The following TIMM23B variants were observed in gnomAD, a reference collection of about 807,000 sequenced individuals.
TIMM23B encodes translocase of inner mitochondrial membrane 23 homolog B, also known as mitochondrial import inner membrane translocase subunit Tim23B.
In TIMM23B, 27 loss-of-function variants were observed where a neutral mutation model predicts 27.3. The ratio of observed to expected loss-of-function variants is 0.99; its 90% confidence interval spans 0.73 to 1.36. The LOEUF is 1.36. TIMM23B is among the 40% of genes most tolerant of loss of function. The pLI is 0.00. For missense variants in TIMM23B, 205 were observed against 244.2 expected (o/e 0.84, Z 1.07); for synonymous variants, 73 against 92.4 (o/e 0.79, Z 1.21).
chr10:49,953,348 TTG>T (rs1208028228), intron 4 of TIMM23B, among the ~76,000 whole-genome samples: 1 of 152,130 alleles, frequency 6.6e-6, no homozygotes, highest in African/African-American at 2.4e-5. Context: ...GCCTGTTAAA[TTG>T]TGTGGTTTTT....
intron 6 of TIMM23B, among the ~76,000 whole-genome samples, chr10:49,969,153 A>G (rs868926013): frequency 7.9e-5 from 12 of 152,190 alleles, no homozygotes; most frequent in Non-Finnish European, 1.0e-4. Flanking sequence ...TCATAACAGC[A>G]TATTATTCAC....
chr10:49,954,261 TAC>T, intron 4 of TIMM23B: 2 of 415,856 alleles, frequency 4.8e-6, no homozygotes, highest in East Asian at 1.3e-4. Context: ...GGGATGGTGT[TAC>T]ACTGCTGGGA....
intron 2 of TIMM23B, among the ~76,000 whole-genome samples, chr10:49,948,978 C>G (rs1396363054): frequency 2.6e-5 from 4 of 152,270 alleles, no homozygotes; most frequent in South Asian, 2.1e-4. Flanking sequence ...ACCTCAAACT[C>G]CTAGGCTCAA....
At chr10:49,962,656 TA>T (rs1839959929) in intron 6 of TIMM23B, among the ~76,000 whole-genome samples, 1 of 152,192 alleles carries the variant, frequency 6.6e-6, no homozygotes. Flanking sequence ...TCCTTCCAGA[TA>T]CCTACCTGAA....
intron 6 of TIMM23B, among the ~76,000 whole-genome samples, chr10:49,963,960 G>A (rs1840016420): frequency 6.6e-6 from 1 of 151,992 alleles, no homozygotes; most frequent in Non-Finnish European, 1.5e-5. Context: ...ACAAGCCTCT[G>A]GCTCGAAATG....
chr10:49,968,750 G>A (rs1840282485), intron 6 of TIMM23B, among the ~76,000 whole-genome samples: 1 of 152,044 alleles, frequency 6.6e-6, no homozygotes, highest in Non-Finnish European at 1.5e-5. Context: ...CAGGAGAATG[G>A]CGTGAACCTG....
At chr10:49,944,599 G>A (rs1360107011) in intron 1 of TIMM23B, among the ~76,000 whole-genome samples, 1 of 151,982 alleles carries the variant, frequency 6.6e-6, no homozygotes, top group African/African-American at 2.4e-5. Context: ...GAAATAGTTA[G>A]ATACAACATG....
intron 6 of TIMM23B, 127 bp from the exon 7 acceptor site, chr10:49,972,884 TA>T (rs1554856829): frequency 1.4e-6 from 1 of 718,966 alleles, no homozygotes; most frequent in Non-Finnish European, 2.4e-6. Context: ...ATGCATGTTG[TA>T]AATTATTTTG....
At chr10:49,966,802 G>A (rs1236956636) in intron 6 of TIMM23B, among the ~76,000 whole-genome samples, 4 of 152,192 alleles carry the variant, frequency 2.6e-5, no homozygotes, top group Non-Finnish European at 5.9e-5. Flanking sequence ...TCCAGCCTGG[G>A]CAGCTGAGCG....
chr10:49,954,861 C>T (rs1839662534), intron 4 of TIMM23B, 141 bp from the exon 5 acceptor site: 6 of 701,344 alleles, frequency 8.6e-6, no homozygotes, highest in East Asian at 2.8e-5. Context: ...TTATTGAAAT[C>T]GGAGATATTA....
Position 49,942,089 on chromosome 10 carries a change from T to C in TIMM23B, c.-106T>C. ...GCGCCCGGAATGTCAGCGTGTGAAG[T>C]AGGCGCTGGCAACGCGGGGTTACCC... On this transcript the variant is annotated 5_prime_UTR_variant, in exon 1 of 7. Transcript: ENST00000651259. 7.4e-6 allele frequency: 10 copies of C among 1,353,692 alleles called. No homozygotes were observed. The highest frequency in any genetic ancestry group is 1.0e-5 in the Non-Finnish European group (10 of 1,002,540). The allele number at this position is 1,353,692 out of a possible 1,614,324, so 83.9% of individuals were successfully genotyped here.
chr10:49,945,361 G>A (rs2133047751), intron 2 of TIMM23B, among the ~76,000 whole-genome samples: 1 of 152,298 alleles, frequency 6.6e-6, no homozygotes, highest in East Asian at 1.9e-4. Flanking sequence ...GTTACAAAGT[G>A]TGTGGGGTTT....
chr10:49,955,189 T>C (rs1410063976), intron 5 of TIMM23B, 129 bp downstream of exon 5: 1 of 996,656 alleles, frequency 1.0e-6, no homozygotes, highest in Non-Finnish European at 1.6e-6. Flanking sequence ...TCCATTCCAA[T>C]GCATAATGTA....
At chr10:49,963,791 C>T (rs1840008303) in intron 6 of TIMM23B, among the ~76,000 whole-genome samples, 1 of 152,166 alleles carries the variant, frequency 6.6e-6, no homozygotes, top group Non-Finnish European at 1.5e-5. Flanking sequence ...CATGATGAAA[C>T]CCCATCTCTA....
chr10:49,944,053 T>C (rs1839277286), intron 1 of TIMM23B, among the ~76,000 whole-genome samples: 1 of 152,214 alleles, frequency 6.6e-6, no homozygotes, highest in Non-Finnish European at 1.5e-5. Context: ...AAGGAACAGC[T>C]CTTAGGCCAG....
intron 6 of TIMM23B, among the ~76,000 whole-genome samples, chr10:49,960,047 T>G (rs1349905928): frequency 2.0e-5 from 3 of 148,632 alleles, no homozygotes; most frequent in African/African-American, 7.4e-5. Context: ...CACTCCCAGC[T>G]TATTTTAATT....
chr10:49,965,487 G>A (rs1177195823), intron 6 of TIMM23B, among the ~76,000 whole-genome samples: 3 of 149,266 alleles, frequency 2.0e-5, no homozygotes, highest in African/African-American at 4.9e-5. Flanking sequence ...ACTCCAGACT[G>A]GGCGATAGAG....
intron 6 of TIMM23B, among the ~76,000 whole-genome samples, chr10:49,971,524 A>ACT (rs1840448621): frequency 6.6e-6 from 1 of 152,212 alleles, no homozygotes; most frequent in African/African-American, 2.4e-5. Context: ...GCTTCAGTGA[A>ACT]CTAAAACTTT....
chr10:49,968,516 T>A (rs541385524), intron 6 of TIMM23B, among the ~76,000 whole-genome samples: 1 of 100,152 alleles, frequency 1.0e-5, no homozygotes, highest in East Asian at 2.1e-4. Flanking sequence ...ATATAAAACA[T>A]GTGTAGTTAA....
Sources: allele counts gnomAD v4.1 joint callset (sites outside exome capture counted in the v4.1 genomes callset), GRCh38; gene constraint gnomAD v4.1.1; transcripts MANE v1.5; gene names NCBI Gene and HGNC (gene_info 2026-07-23, HGNC 2026-07-21).